The following LHFPL7 variants were observed in gnomAD, a reference collection of about 807,000 sequenced individuals.
The protein encoded by LHFPL7 is LHFPL tetraspan subfamily member 7, also known as LHFPL tetraspan subfamily member 7 protein.
chr22:24,942,892 AGTGTGTGTGTGTGTGTGTGTGTGT>A, the LHFPL7 span, among the ~76,000 whole-genome samples: 9 of 128,126 alleles, frequency 7.0e-5, no homozygotes, highest in Admixed American at 8.0e-5. Flanking sequence ...AAGGGGATAA[AGTGTGTGTGTGTGTGTGTGTGTGT>A]GTGTGTGTGT....
the LHFPL7 span, among the ~76,000 whole-genome samples, chr22:24,941,205 G>C: frequency 1.3e-5 from 2 of 150,814 alleles, no homozygotes; most frequent in African/African-American, 4.9e-5. Flanking sequence ...CTTGCTGTGT[G>C]TCGGCCAGGC....
the LHFPL7 span, among the ~76,000 whole-genome samples, chr22:24,936,327 ATT>A: frequency 1.3e-5 from 2 of 151,506 alleles, no homozygotes; most frequent in Non-Finnish European, 2.9e-5. Context: ...CATTCTATCA[ATT>A]TTTCCTATCC....
the LHFPL7 span, chr22:24,935,190 A>G: frequency 9.1e-7 from 1 of 1,101,490 alleles, no homozygotes; most frequent in African/African-American, 1.6e-5. Flanking sequence ...TTCATTTTCC[A>G]GAAGAAAAAA....
the LHFPL7 span, among the ~76,000 whole-genome samples, chr22:24,944,281 AG>A: frequency 6.6e-6 from 1 of 152,166 alleles, no homozygotes; most frequent in Non-Finnish European, 1.5e-5. Context: ...GTAATATGTT[AG>A]ATGTCAATAA....
chr22:24,944,237 G>C, the LHFPL7 span, among the ~76,000 whole-genome samples: 2 of 152,164 alleles, frequency 1.3e-5, no homozygotes, highest in African/African-American at 4.8e-5. Context: ...TGGAGGGAGA[G>C]AGAGAGACAG....
chr22:24,940,606 A>T, the LHFPL7 span, among the ~76,000 whole-genome samples: 3,356 of 124,490 alleles, frequency 0.027, 103 homozygotes, highest in African/African-American at 0.073. Context: ...AAAAAAAAAA[A>T]AATAATAATA....
the LHFPL7 span, chr22:24,939,691 C>T: frequency 1.6e-6 from 1 of 624,228 alleles, no homozygotes; most frequent in Non-Finnish European, 2.9e-6. Context: ...CCTGGAGATG[C>T]AAATGGGAGG....
At chr22:24,937,219 A>G in the LHFPL7 span, among the ~76,000 whole-genome samples, 1 of 152,356 alleles carries the variant, frequency 6.6e-6, no homozygotes, top group East Asian at 1.9e-4. Context: ...GCTAGAAGTC[A>G]TGGAAGACCT....
the LHFPL7 span, among the ~76,000 whole-genome samples, chr22:24,944,227 T>G: frequency 2.0e-5 from 3 of 152,178 alleles, no homozygotes; most frequent in East Asian, 5.8e-4. Flanking sequence ...ACTTAGACTC[T>G]GGAGGGAGAG....
chr22:24,936,901 C>G, the LHFPL7 span, among the ~76,000 whole-genome samples: 1 of 152,070 alleles, frequency 6.6e-6, no homozygotes, highest in Non-Finnish European at 1.5e-5. Context: ...GACTGATGCC[C>G]TCCAACCCCC....
the LHFPL7 span, chr22:24,935,561 T>C: frequency 6.2e-7 from 1 of 1,613,346 alleles, no homozygotes; most frequent in Non-Finnish European, 8.5e-7. Flanking sequence ...CAAGGCCGAT[T>C]GGGAAAATCA....
At chr22:24,938,186 T>C in the LHFPL7 span, 20 of 1,614,066 alleles carry the variant, frequency 1.2e-5, no homozygotes, top group Non-Finnish European at 1.6e-5. Context: ...GAACACTGCT[T>C]CTCCTTGGGC....
chr22:24,944,217 A>C, the LHFPL7 span, among the ~76,000 whole-genome samples: 1 of 152,182 alleles, frequency 6.6e-6, no homozygotes, highest in Non-Finnish European at 1.5e-5. Flanking sequence ...TCCTTATGGA[A>C]CTTAGACTCT....
the LHFPL7 span, among the ~76,000 whole-genome samples, chr22:24,945,259 T>C: frequency 5.9e-5 from 9 of 152,094 alleles, no homozygotes; most frequent in Non-Finnish European, 1.3e-4. Context: ...AGCAGGGGTA[T>C]GACATGAACC....
chr22:24,940,635 G>T, the LHFPL7 span, among the ~76,000 whole-genome samples: 550 of 17,276 alleles, frequency 0.032, 5 homozygotes, highest in African/African-American at 0.074. Context: ...ACATATGCCC[G>T]CCCTTCCTTC....
chr22:24,943,502 C>G, the LHFPL7 span, among the ~76,000 whole-genome samples: 1 of 152,166 alleles, frequency 6.6e-6, no homozygotes, highest in Non-Finnish European at 1.5e-5. Flanking sequence ...AGGCTTCGGT[C>G]TAAGCACTTG....
the LHFPL7 span, among the ~76,000 whole-genome samples, chr22:24,940,886 G>A: frequency 6.6e-6 from 1 of 151,856 alleles, no homozygotes; most frequent in Non-Finnish European, 1.5e-5. Flanking sequence ...CCCACCTGCT[G>A]AGTAGCTGGG....
chr22:24,941,681 T>C, the LHFPL7 span, among the ~76,000 whole-genome samples: 2 of 151,840 alleles, frequency 1.3e-5, no homozygotes, highest in Non-Finnish European at 2.9e-5. Flanking sequence ...TGTTCATTTG[T>C]TTTGTTTTGA....
chr22:24,939,082 G>T, the LHFPL7 span, among the ~76,000 whole-genome samples: 9 of 152,158 alleles, frequency 5.9e-5, no homozygotes, highest in Non-Finnish European at 1.3e-4. Flanking sequence ...CCCACTCCAC[G>T]CCTACAGAGA....
Sources: gnomAD v4.1 joint callset for allele counts (sites outside exome capture counted in the v4.1 genomes callset) on GRCh38, gnomAD v4.1.1 for gene constraint, MANE v1.5 for transcripts, NCBI Gene and HGNC (gene_info 2026-07-23, HGNC 2026-07-21) for gene names.